The following QPCT variants were observed in gnomAD, a reference collection of about 807,000 sequenced individuals.
QPCT encodes glutaminyl-peptide cyclotransferase, also known as EC.
A neutral mutation model predicts 43.4 loss-of-function variants in QPCT; 44 were observed. The observed-to-expected ratio is 1.01, with a 90% CI of 0.80 to 1.30. The LOEUF (loss-of-function observed/expected upper bound fraction) is 1.30, where lower values mean the gene tolerates loss of function less well. Ranked by LOEUF, QPCT falls within the 50% of genes most tolerant of loss-of-function variation. QPCT has a pLI of 0.00. For missense variants in QPCT, 526 were observed against 436.5 expected (o/e 1.21, Z -1.83); for synonymous variants, 168 against 168.4 (o/e 1.00, Z 0.02).
chr2:37,363,459 C>CAAAAAA (rs760030748), intron 3 of QPCT, among the ~76,000 whole-genome samples: 4 of 47,814 alleles, frequency 8.4e-5, no homozygotes, highest in African/African-American at 2.4e-4. Flanking sequence ...TCCCTCTCTA[C>CAAAAAA]AAAAAAAAAA....
intron 5 of QPCT, among the ~76,000 whole-genome samples, chr2:37,370,757 G>A (rs1461563673): frequency 6.6e-6 from 1 of 152,150 alleles, no homozygotes; most frequent in African/African-American, 2.4e-5. Context: ...GCTGAAGAGG[G>A]GAGCTTGGGG....
In QPCT at chr2:37,344,819, A is replaced by G; in HGVS notation, c.88A>G (p.Ser30Gly). 1 of 1,606,850 alleles carries G rather than the reference A, an allele frequency of 6.2e-7. No homozygotes were observed. The highest frequency in any genetic ancestry group is 8.5e-7 in the Non-Finnish European group (1 of 1,177,254). Residue 30 changes from serine (S) to glycine (G), a missense_variant, in exon 1 of 7, where the codon AGT becomes GGT. By Grantham distance (56) the Ser-to-Gly change is moderately conservative (BLOSUM62 0). Coordinates refer to ENST00000338415, the MANE Select transcript of QPCT (RefSeq NM_012413.4). ...AALPWASRGV[S>G]PSASAWPEEK... ...CCTGCCCTGGGCATCCAGGGGGGTC[A>G]GTCCGAGTGCCTCAGCCTGGCCAGA...
chr2:37,367,108 C>G, intron 3 of QPCT, 124 bp from the exon 4 acceptor site: 1 of 1,123,144 alleles, frequency 8.9e-7, no homozygotes, highest in Non-Finnish European at 1.3e-6. Context: ...GCCATAGTTT[C>G]ACTTGCTTTG....
At chr2:37,359,020 A>T (rs1297604906) in intron 2 of QPCT, 1 of 153,432 alleles carries the variant, frequency 6.5e-6, no homozygotes, top group African/African-American at 2.4e-5. Flanking sequence ...AGAGATAGAG[A>T]CCTGTAGGTT....
At chr2:37,347,164 A>ATATATATATATAT (rs555548922) in intron 1 of QPCT, among the ~76,000 whole-genome samples, 13 of 29,780 alleles carry the variant, frequency 4.4e-4, no homozygotes, top group Middle Eastern at 0.021. Context: ...ATATATATAT[A>ATATATATATATAT]ACATATATAT....
Position 37,352,043 on chromosome 2 carries a change from AG to A in QPCT, c.121-745del, listed in dbSNP as rs1288480545. 1.6e-3 allele frequency among the ~76,000 whole-genome samples: 250 copies of A among 152,064 alleles called. 1 individual carries two copies. The highest frequency in any genetic ancestry group is 5.7e-3 in the African/African-American group (235 of 41,510). ...AACCCCAACTTCAAAAAAAAAAAAA[AG>A]ATTATGAAAGAAACATATGTAATTT... is the stretch of plus-strand genomic sequence containing the variant. On this transcript the variant is annotated intron_variant, in intron 1 of 6. Transcript: ENST00000338415.
intron 2 of QPCT, among the ~76,000 whole-genome samples, chr2:37,354,040 T>C (rs1672682638): frequency 6.6e-6 from 1 of 152,232 alleles, no homozygotes. Flanking sequence ...AATTTTTGTA[T>C]TTTTAGTAGA....
At position 37,357,959 on chromosome 2, in the gene QPCT, T is replaced by G. The variant is rs542358610; in HGVS notation, c.268-1621T>G. ...TTTAAGGTCCATCCCAGATCTAAAC[T>G]GTCTAGATCTGAACTGTTAGATCTG... On this transcript the variant is annotated intron_variant, in intron 2 of 6. Coordinates refer to ENST00000338415, the MANE Select transcript of QPCT (RefSeq NM_012413.4). Among the ~76,000 whole-genome samples, 3 of 152,304 alleles carry G rather than the reference T, an allele frequency of 2.0e-5. No individual in the cohort carries two copies. In the East Asian group the frequency reaches 5.8e-4, roughly 29 times the overall value.
Position 37,372,210 on chromosome 2 carries a change from T to C in QPCT, c.824-146T>C, listed in dbSNP as rs113488761. On this transcript the variant is annotated intron_variant, in intron 5 of 6. Coordinates refer to ENST00000338415, the MANE Select transcript of QPCT (RefSeq NM_012413.4). ...TGTTCAACCCAGATGTTTATTGTCA[T>C]GGGTGTGGCCATGCTTGCTGTTGCA... 2.0e-3 allele frequency: 1,371 copies of C among 676,128 alleles called. 14 individuals are homozygous for C. The African/African-American group carries it at 0.021, about 10-fold the overall frequency. 41.9% of individuals were successfully genotyped at this position (676,128 alleles called of 1,614,324 possible).
In QPCT at chr2:37,359,620, T is replaced by A; in HGVS notation, c.308T>A (p.Val103Asp). ...QRIQRLQADWVLEIDTFLSQT... is the reference protein window; with the variant it reads ...QRIQRLQADWDLEIDTFLSQT... ...ATTCAGAGGCTTCAGGCTGACTGGG[T>A]CTTGGAAATAGACACCTTCTTGAGT... Residue 103 changes from valine (V) to aspartate (D), a missense_variant, in exon 3 of 7, where the codon GTC becomes GAC. Val to Asp is a radical substitution (Grantham distance 152). Transcript: ENST00000338415. The A allele has an allele frequency of 1.2e-6, 2 of 1,614,132 alleles. No individual in the cohort carries two copies. The highest frequency in any genetic ancestry group is 1.1e-5 in the South Asian group (1 of 91,084).
In QPCT at chr2:37,368,647, C is replaced by T. The variant is rs73924616; in HGVS notation, c.724-1038C>T. ...TTATCCATTGGCAGCTCCTAATGGG[C>T]CAGGGGAATGTGGTCAGCATATCAT... is the stretch of plus-strand genomic sequence containing the variant. On this transcript the variant is annotated intron_variant, in intron 4 of 6. Coordinates refer to ENST00000338415, the MANE Select transcript of QPCT (RefSeq NM_012413.4). The T allele has an allele frequency of 1.2e-3, 557 of 471,108 alleles. 3 individuals are homozygous for T. The highest frequency in any genetic ancestry group is 9.8e-3 in the African/African-American group (491 of 50,154). 29.2% of individuals were successfully genotyped at this position (471,108 alleles called of 1,614,324 possible).
intron 2 of QPCT, among the ~76,000 whole-genome samples, chr2:37,355,684 G>A (rs542929966): frequency 5.3e-5 from 8 of 152,204 alleles, no homozygotes; most frequent in Admixed American, 3.9e-4. Flanking sequence ...TTTTTATTTT[G>A]AGGAGATAAG....
At position 37,359,837 on chromosome 2, in the gene QPCT, C is replaced by A. The variant is rs778421257; in HGVS notation, c.525C>A (p.Asp175Glu). ...TGTTGGAACTTGCTCGTGCCTTAGA[C>A]AAGAAACTCCTTTCCTTAAAGGTAT... is the stretch of plus-strand genomic sequence containing the variant. ...AMMLELARAL[D>E]KKLLSLKTVS... Residue 175 changes from aspartate to glutamate, a missense_variant, in exon 3 of 7, where the codon GAC becomes GAA. Asp to Glu is a conservative substitution (Grantham distance 45, BLOSUM62 2). Transcript: ENST00000338415. 1 of 1,614,158 alleles carries A rather than the reference C, an allele frequency of 6.2e-7. No individual in the cohort carries two copies. Among genetic ancestry groups the A allele is most frequent in the East Asian group, 2.2e-5 (1 of 44,884 alleles).
At chr2:37,353,261 T>C (rs1672660945) in intron 2 of QPCT, among the ~76,000 whole-genome samples, 1 of 152,116 alleles carries the variant, frequency 6.6e-6, no homozygotes, top group Admixed American at 6.5e-5. Flanking sequence ...GCAACAGGCT[T>C]AGGGAGTCCT....
At chr2:37,364,296 T>C (rs1358581283) in intron 3 of QPCT, among the ~76,000 whole-genome samples, 1 of 152,182 alleles carries the variant, frequency 6.6e-6, no homozygotes, top group East Asian at 1.9e-4. Flanking sequence ...TTCAGCTCAC[T>C]GGGGGTCCCA....
intron 5 of QPCT, 89 bp downstream of exon 5, chr2:37,369,873 T>C (rs1220606737): frequency 8.2e-7 from 1 of 1,215,178 alleles, no homozygotes; most frequent in East Asian, 2.5e-5. Flanking sequence ...ATAATTTGGC[T>C]GGGCGCAGTG....
chr2:37,353,576 AC>A (rs1376532768), intron 2 of QPCT, among the ~76,000 whole-genome samples: 3 of 152,210 alleles, frequency 2.0e-5, no homozygotes, highest in African/African-American at 7.2e-5. Flanking sequence ...GCTGGTCATA[AC>A]CCACTAAACT....
In QPCT at chr2:37,352,842, A is replaced by G. The variant is rs753346034; in HGVS notation, c.174A>G (p.Glu58=). ...LNSSALRQIA[E]GTSISEMWQN... is the part of the protein sequence containing the mutation. Reference sequence around the variant, plus strand: ...CATCGGCTCTTCGGCAAATTGCAGAAGGCACCAGTATCTCTGAAATGTGGC... The same window carrying G: ...CATCGGCTCTTCGGCAAATTGCAGAGGGCACCAGTATCTCTGAAATGTGGC... The change falls in exon 2 of 7, where the codon GAA becomes GAG. Residue 58 remains glutamate, a synonymous_variant. Transcript: ENST00000338415. 5 of 1,614,088 alleles carry G rather than the reference A, an allele frequency of 3.1e-6. No homozygotes were observed. In the Admixed American group the frequency reaches 5.0e-5, roughly 16 times the overall value.
Position 37,347,192 on chromosome 2 carries a change from A to AT in QPCT, c.120+2341_120+2342insT, listed in dbSNP as rs544709076. ...ATATATATATATAACATATATATAT[A>AT]ACATATATATATAACATATATATAA... On this transcript the variant is annotated intron_variant, in intron 1 of 6. Transcript: ENST00000338415. 7.4e-3 allele frequency among the ~76,000 whole-genome samples: 611 copies of AT among 82,214 alleles called. 44 individuals are homozygous for AT. Among genetic ancestry groups the AT allele is most frequent in the Middle Eastern group, 0.016 (3 of 186 alleles). The allele number at this position is 82,214 out of a possible 152,430, so 53.9% of individuals were successfully genotyped here.
Sources: allele counts gnomAD v4.1 joint callset (sites outside exome capture counted in the v4.1 genomes callset), GRCh38; gene constraint gnomAD v4.1.1; transcripts MANE v1.5; gene names NCBI Gene and HGNC (gene_info 2026-07-23, HGNC 2026-07-21).